GSK3B: variants seen among roughly 807,000 people sequenced by gnomAD.
GSK3B encodes glycogen synthase kinase-3 beta.
In GSK3B, 15 loss-of-function variants were observed where a neutral mutation model predicts 56.4. The observed-to-expected ratio is 0.27, with a 90% CI of 0.18 to 0.41. The LOEUF (loss-of-function observed/expected upper bound fraction) is 0.41, where lower values mean the gene tolerates loss of function less well. Ranked by LOEUF, GSK3B falls within the 10% of genes least tolerant of loss-of-function variation. The probability of loss-of-function intolerance (pLI) is 1.00; values close to 1 mark genes in which losing one functional copy is unlikely to be tolerated. For missense variants in GSK3B, 300 were observed against 513.4 expected, an observed-to-expected ratio of 0.58 and a Z score of 4.02; for synonymous variants, 181 against 188.9, an observed-to-expected ratio of 0.96 and a Z score of 0.34.
rs963122269 is a variant in GSK3B, at chr3:119,821,366, A to G, written c.*5422T>C. On this transcript the variant is annotated 3_prime_UTR_variant, in exon 11 of 11. Transcript: ENST00000264235. ...ATTGAAGCAGCAGTCACATGACCTT[A>G]TATCTAGCCTTTAGATTAGGCCTGA... is the stretch of plus-strand genomic sequence containing the variant. The G allele has an allele frequency of 2.6e-5, 4 of 152,260 alleles. No homozygotes were observed. Among genetic ancestry groups the G allele is most frequent in the Non-Finnish European group, 4.4e-5 (3 of 68,044 alleles). The allele number at this position is 152,260 out of a possible 1,614,324, so 9.4% of individuals were successfully genotyped here.
At chr3:120,087,216 T>C (rs1223515549) in intron 1 of GSK3B, among the ~76,000 whole-genome samples, 1 of 152,162 alleles carries the variant, frequency 6.6e-6, no homozygotes, top group Non-Finnish European at 1.5e-5. Flanking sequence ...GCTGTTATTC[T>C]TCAGGAAAAC....
At chr3:119,996,245 T>G (rs1391213652) in intron 2 of GSK3B, among the ~76,000 whole-genome samples, 2 of 152,246 alleles carry the variant, frequency 1.3e-5, no homozygotes, top group African/African-American at 4.8e-5. Flanking sequence ...GTGTTTGTTA[T>G]TCTTAAACCA....
chr3:119,880,336 A>G (rs2056366350), intron 7 of GSK3B, among the ~76,000 whole-genome samples: 1 of 152,124 alleles, frequency 6.6e-6, no homozygotes, highest in Non-Finnish European at 1.5e-5. Flanking sequence ...TTTCCTATAA[A>G]GTTGTTGGAG....
At chr3:119,950,473 C>T (rs2057146790) in intron 2 of GSK3B, among the ~76,000 whole-genome samples, 2 of 152,060 alleles carry the variant, frequency 1.3e-5, no homozygotes, top group African/African-American at 2.4e-5. Flanking sequence ...AGGATAATGG[C>T]TAGATAAACA....
At chr3:120,027,967 T>C (rs190535726) in intron 1 of GSK3B, among the ~76,000 whole-genome samples, 11 of 152,338 alleles carry the variant, frequency 7.2e-5, no homozygotes, top group Non-Finnish European at 1.5e-5. Flanking sequence ...AAAAATCCAA[T>C]ATGCTTATAG....
At position 119,826,859 on chromosome 3, in the gene GSK3B, C is replaced by G; in HGVS notation, c.1196-4G>C. ...CCACGGTCTCCAGTATTAGCATCTG[C>G]AAGTCAAAAAGTCCCAAGAGAGAGC... On this transcript the variant is annotated splice_polypyrimidine_tract_variant and splice_region_variant and intron_variant, in intron 10 of 10. Coordinates refer to ENST00000264235, the MANE Select transcript of GSK3B (RefSeq NM_001146156.2). 6.3e-7 allele frequency: 1 copy of G among 1,599,032 alleles called. No homozygotes were observed. The highest frequency in any genetic ancestry group is 8.6e-7 in the Non-Finnish European group (1 of 1,167,266).
intron 10 of GSK3B, among the ~76,000 whole-genome samples, chr3:119,828,593 T>A (rs2055552662): frequency 6.6e-6 from 1 of 152,206 alleles, no homozygotes; most frequent in South Asian, 2.1e-4. Context: ...ATAACCAATG[T>A]CATGGTTGAA....
intron 1 of GSK3B, among the ~76,000 whole-genome samples, chr3:120,065,037 T>G (rs535940688): frequency 6.6e-6 from 1 of 152,228 alleles, no homozygotes; most frequent in South Asian, 2.1e-4. Flanking sequence ...AGAAAACATA[T>G]GGGTAAATCA....
chr3:119,864,367 T>A (rs1040906417), intron 8 of GSK3B, among the ~76,000 whole-genome samples: 8 of 152,206 alleles, frequency 5.3e-5, no homozygotes, highest in Non-Finnish European at 7.3e-5. Context: ...GATAGCTTTC[T>A]ACTAATTTGT....
chr3:119,950,685 A>G (rs2057148945), intron 2 of GSK3B, among the ~76,000 whole-genome samples: 1 of 152,210 alleles, frequency 6.6e-6, no homozygotes, highest in African/African-American at 2.4e-5. Flanking sequence ...CTCCCCCACA[A>G]TACTTATAAA....
intron 1 of GSK3B, among the ~76,000 whole-genome samples, chr3:120,020,184 A>G (rs558342096): frequency 6.6e-6 from 1 of 152,354 alleles, no homozygotes; most frequent in East Asian, 1.9e-4. Flanking sequence ...AGCAGGTAAT[A>G]ACTACGAGTT....
At chr3:120,026,506 G>A (rs1197568165) in intron 1 of GSK3B, among the ~76,000 whole-genome samples, 2 of 92,436 alleles carry the variant, frequency 2.2e-5, no homozygotes, top group African/African-American at 8.5e-5. Context: ...ATGCTATACC[G>A]CCAAATACAC....
At position 119,887,558 on chromosome 3, in the gene GSK3B, C is replaced by T. The variant is rs2108060930; in HGVS notation, c.814-11050G>A. On this transcript the variant is annotated intron_variant, in intron 7 of 10. Coordinates refer to ENST00000264235, the MANE Select transcript of GSK3B (RefSeq NM_001146156.2). ...GTTAGACACAGGGAAGAAACTCAAT[C>T]ACTGAATTAAAAAAATAGCAATAGA... Among the ~76,000 whole-genome samples, 3 of 152,036 alleles carry T rather than the reference C, an allele frequency of 2.0e-5. 1 individual carries two copies. In the South Asian group the frequency reaches 6.2e-4, roughly 32 times the overall value.
At chr3:120,044,568 A>G (rs543968810) in intron 1 of GSK3B, among the ~76,000 whole-genome samples, 2 of 152,312 alleles carry the variant, frequency 1.3e-5, no homozygotes, top group African/African-American at 2.4e-5. Flanking sequence ...CGCAATTGGA[A>G]TCTCACAGGG....
rs529079406 is a variant in GSK3B, at chr3:119,926,018, A to C, written c.367-2535T>G. On this transcript the variant is annotated intron_variant, in intron 3 of 10. Transcript: ENST00000264235. ...ACTATACTTTTTTGGTTTTCATCCT[A>C]CCCTACAGACAACTCTTCTTTTCTC... 1.4e-3 allele frequency among the ~76,000 whole-genome samples: 217 copies of C among 151,978 alleles called. 1 individual carries two copies. The highest frequency in any genetic ancestry group is 4.8e-3 in the African/African-American group (200 of 41,430).
At chr3:119,988,325 T>C (rs1375013416) in intron 2 of GSK3B, among the ~76,000 whole-genome samples, 6 of 152,238 alleles carry the variant, frequency 3.9e-5, no homozygotes, top group Non-Finnish European at 7.3e-5. Context: ...TTTAACAATT[T>C]ACTATACTAC....
At chr3:119,974,774 T>A (rs1199807201) in intron 2 of GSK3B, among the ~76,000 whole-genome samples, 1 of 152,140 alleles carries the variant, frequency 6.6e-6, no homozygotes, top group Non-Finnish European at 1.5e-5. Flanking sequence ...TACACTGGCA[T>A]ACTACTACTA....
chr3:119,962,898 G>A (rs1381128775), intron 2 of GSK3B, among the ~76,000 whole-genome samples: 2 of 152,120 alleles, frequency 1.3e-5, no homozygotes, highest in East Asian at 3.9e-4. Flanking sequence ...TGTTCCTATG[G>A]GAATCTAATG....
intron 8 of GSK3B, among the ~76,000 whole-genome samples, chr3:119,872,349 G>C (rs1361609255): frequency 6.6e-6 from 1 of 152,110 alleles, no homozygotes; most frequent in Admixed American, 6.6e-5. Flanking sequence ...CCCAAATTGG[G>C]ACCTTCCTGA....
Sources: allele counts gnomAD v4.1 joint callset (sites outside exome capture counted in the v4.1 genomes callset), GRCh38; gene constraint gnomAD v4.1.1; transcripts MANE v1.5; gene names NCBI Gene and HGNC (gene_info 2026-07-23, HGNC 2026-07-21).